Variants in CSMD1 observed in about 807,000 individuals in gnomAD.
CSMD1 encodes CUB and Sushi multiple domains 1, also known as CUB and sushi domain-containing protein 1.
CSMD1 carries 213 observed loss-of-function variants against 417.5 expected under a neutral mutation model. The observed-to-expected ratio is 0.51, with a 90% CI of 0.46 to 0.57. CSMD1 has a LOEUF of 0.57. CSMD1 is among the 20% of genes least tolerant of loss of function. The pLI is 0.00. For synonymous variants in CSMD1, 2,862 were observed against 1,736.8 expected (o/e 1.65, Z -16.11); for missense variants, 6,923 against 4,529.7 (o/e 1.53, Z -15.17).
At chr8:4,534,421 T>C (rs891644460) in intron 2 of CSMD1, among the ~76,000 whole-genome samples, 5 of 152,232 alleles carry the variant, frequency 3.3e-5, no homozygotes, top group South Asian at 2.1e-4. Context: ...ACCTTTACTC[T>C]CTTGCCAGAG....
intron 3 of CSMD1, among the ~76,000 whole-genome samples, chr8:4,328,264 T>A (rs1711556890): frequency 8.4e-6 from 1 of 119,742 alleles, no homozygotes; most frequent in Non-Finnish European, 1.8e-5. Context: ...TTTTTTTTTT[T>A]TGAGAGGAAT....
At chr8:3,619,192 A>T (rs578071318) in intron 7 of CSMD1, among the ~76,000 whole-genome samples, 6 of 152,288 alleles carry the variant, frequency 3.9e-5, no homozygotes, top group Admixed American at 6.5e-5. Context: ...TGGGGAAAAA[A>T]ATAAAAACAA....
At chr8:3,969,176 G>C (rs1334323288) in intron 5 of CSMD1, among the ~76,000 whole-genome samples, 1 of 152,100 alleles carries the variant, frequency 6.6e-6, no homozygotes, top group African/African-American at 2.4e-5. Flanking sequence ...CTTGAACCTG[G>C]GAGGCAGTGG....
rs563048850 is a variant in CSMD1, at chr8:2,973,166, G to C, written c.8874C>G (p.Arg2958=). 3 of 1,613,726 alleles carry C rather than the reference G, an allele frequency of 1.9e-6. No homozygotes were observed. Among genetic ancestry groups the C allele is most frequent in the East Asian group, 2.2e-5 (1 of 44,858 alleles). ...MGHQLRGSPE[R]TCLLNGSWSG... The stretch of plus-strand genomic sequence containing the variant: ...ACCATGACCCATTGAGCAAACACGT[G>C]CGTTCAGGGGAGCCCCTCAGCTGGT... The change falls in exon 57 of 70, where the codon CGC becomes CGG. Residue 2958 remains arginine, a synonymous_variant. Transcript: ENST00000635120.
intron 5 of CSMD1, among the ~76,000 whole-genome samples, chr8:3,806,847 G>A (rs1195776741): frequency 6.6e-6 from 1 of 152,140 alleles, no homozygotes; most frequent in Non-Finnish European, 1.5e-5. Flanking sequence ...CTAGCTAGCA[G>A]ACACAATGTA....
At chr8:4,026,287 A>G (rs1434490894) in intron 4 of CSMD1, among the ~76,000 whole-genome samples, 1 of 152,206 alleles carries the variant, frequency 6.6e-6, no homozygotes, top group Admixed American at 6.5e-5. Context: ...TTGAAGTCAT[A>G]CTACACCAGA....
chr8:3,997,595 C>T (rs528078567), intron 5 of CSMD1, among the ~76,000 whole-genome samples: 4 of 152,316 alleles, frequency 2.6e-5, no homozygotes, highest in Non-Finnish European at 5.9e-5. Flanking sequence ...AGTGAAACAG[C>T]TTCAGACCAA....
At chr8:3,305,288 A>C (rs1249443043) in intron 25 of CSMD1, among the ~76,000 whole-genome samples, 1 of 151,988 alleles carries the variant, frequency 6.6e-6, no homozygotes, top group Non-Finnish European at 1.5e-5. Context: ...ACAGATCAAT[A>C]ATCATCAAAT....
chr8:3,000,146 C>A lies in CSMD1; in HGVS notation c.8030-15G>T, dbSNP rs769098990. 6 of 1,511,898 alleles carry A rather than the reference C, an allele frequency of 4.0e-6. No individual in the cohort carries two copies. The highest frequency in any genetic ancestry group is 1.4e-5 in the African/African-American group (1 of 70,940). The allele number at this position is 1,511,898 out of a possible 1,614,324, so 93.7% of individuals were successfully genotyped here. On this transcript the variant is annotated splice_polypyrimidine_tract_variant and intron_variant, in intron 52 of 69. Coordinates refer to ENST00000635120, the MANE Select transcript of CSMD1 (RefSeq NM_033225.6). ...GCAGTGGCCAGCTAAAAATGTTAAA[C>A]CAATTTTAAAATTTAGAGTGTCTGT...
chr8:3,940,644 C>T (rs1270874974), intron 5 of CSMD1, among the ~76,000 whole-genome samples: 2 of 151,546 alleles, frequency 1.3e-5, no homozygotes, highest in Non-Finnish European at 2.9e-5. Flanking sequence ...CCTTAACTTT[C>T]TTGTTTGGGT....
intron 5 of CSMD1, among the ~76,000 whole-genome samples, chr8:3,754,807 T>A (rs1031708052): frequency 3.3e-5 from 5 of 152,198 alleles, no homozygotes; most frequent in Non-Finnish European, 7.3e-5. Flanking sequence ...AAACTGTTTC[T>A]CATGCTTGGT....
At chr8:4,018,863 C>G (rs1322443520) in intron 4 of CSMD1, among the ~76,000 whole-genome samples, 1 of 152,122 alleles carries the variant, frequency 6.6e-6, no homozygotes, top group Non-Finnish European at 1.5e-5. Context: ...GATGGAGTCT[C>G]ATCTAAACCA....
chr8:3,986,090 G>T (rs375198359), intron 5 of CSMD1, among the ~76,000 whole-genome samples: 1 of 151,838 alleles, frequency 6.6e-6, no homozygotes, highest in African/African-American at 2.4e-5. Context: ...CAAGGATCTC[G>T]TTCGTATCTG....
intron 5 of CSMD1, among the ~76,000 whole-genome samples, chr8:3,829,979 T>C (rs1415446865): frequency 2.0e-5 from 3 of 152,212 alleles, no homozygotes; most frequent in Non-Finnish European, 1.5e-5. Context: ...CATATGTTTT[T>C]TGTTTATACA....
In CSMD1 at chr8:3,181,262, CT is replaced by C. The variant is rs1309922833; in HGVS notation, c.5621-49del. The C allele has an allele frequency of 3.2e-6, 4 of 1,258,798 alleles. 1 individual carries two copies. The South Asian group carries it at 5.1e-5, about 16-fold the overall frequency. The allele number at this position is 1,258,798 out of a possible 1,614,324, so 78.0% of individuals were successfully genotyped here. A position where few individuals can be genotyped will look rare whatever the true frequency, so the allele number is the denominator to read the frequency against. ...AATTGTAACACTACAAATACATTCA[CT>C]TTTCTAAATATAAAACATATGAGAA... On this transcript the variant is annotated intron_variant, in intron 36 of 69. Coordinates refer to ENST00000635120, the MANE Select transcript of CSMD1 (RefSeq NM_033225.6).
At chr8:4,209,756 C>T (rs886885799) in intron 3 of CSMD1, among the ~76,000 whole-genome samples, 1 of 152,218 alleles carries the variant, frequency 6.6e-6, no homozygotes, top group African/African-American at 2.4e-5. Context: ...CACAGCAGGA[C>T]TACACCATAG....
intron 8 of CSMD1, among the ~76,000 whole-genome samples, chr8:3,607,084 T>C (rs1020434996): frequency 1.3e-5 from 2 of 152,210 alleles, no homozygotes; most frequent in African/African-American, 4.8e-5. Context: ...ATAGTACAGC[T>C]GTACAAAAGT....
intron 1 of CSMD1, among the ~76,000 whole-genome samples, chr8:4,982,792 G>T (rs1188153889): frequency 1.3e-5 from 2 of 152,132 alleles, no homozygotes; most frequent in Non-Finnish European, 2.9e-5. Context: ...TATACTTTCA[G>T]TTCCGTAGAC....
intron 3 of CSMD1, among the ~76,000 whole-genome samples, chr8:4,153,252 T>C (rs1215809833): frequency 6.6e-6 from 1 of 152,178 alleles, no homozygotes; most frequent in Admixed American, 6.5e-5. Flanking sequence ...CCAGAAATGA[T>C]ACATACGGCT....
Sources: allele counts gnomAD v4.1 joint callset (sites outside exome capture counted in the v4.1 genomes callset), GRCh38; gene constraint gnomAD v4.1.1; transcripts MANE v1.5; gene names NCBI Gene and HGNC (gene_info 2026-07-23, HGNC 2026-07-21).